EPM2A: variants seen among roughly 807,000 people sequenced by gnomAD.
EPM2A encodes the protein laforin.
Under a neutral mutation model 26.5 loss-of-function variants are expected in EPM2A, and 21 were observed. The observed-to-expected ratio is 0.79, with a 90% CI of 0.56 to 1.14. The LOEUF is 1.14. Ranked by LOEUF, EPM2A falls within the 50% of genes most tolerant of loss-of-function variation. The pLI, the probability that EPM2A is intolerant of heterozygous loss-of-function variation, is 0.00. For missense variants in EPM2A, 458 were observed against 440.8 expected, an observed-to-expected ratio of 1.04 and a Z score of -0.35; for synonymous variants, 217 against 177.6, an observed-to-expected ratio of 1.22 and a Z score of -1.76.
intron 4 of EPM2A, among the ~76,000 whole-genome samples, chr6:145,479,954 A>C (rs1204774118): frequency 3.3e-5 from 5 of 152,042 alleles, no homozygotes; most frequent in Non-Finnish European, 5.9e-5. Flanking sequence ...TAGCCATGCC[A>C]GTAGTTGCAA....
chr6:145,511,167 A>G (rs1301740338), intron 2 of EPM2A, among the ~76,000 whole-genome samples: 1 of 148,360 alleles, frequency 6.7e-6, no homozygotes, highest in Non-Finnish European at 1.5e-5. Flanking sequence ...ATGGTTTCAC[A>G]GCTAAATTCC....
chr6:145,676,934 C>T (rs1780090569), intron 2 of EPM2A, among the ~76,000 whole-genome samples: 2 of 152,178 alleles, frequency 1.3e-5, no homozygotes, highest in Admixed American at 1.3e-4. Flanking sequence ...TTTTATGAGG[C>T]TAGCATCATC....
chr6:145,495,264 T>A (rs1582798510), intron 4 of EPM2A, among the ~76,000 whole-genome samples: 1 of 152,196 alleles, frequency 6.6e-6, no homozygotes, highest in Admixed American at 6.5e-5. Context: ...TAATCTTTGT[T>A]GATTTAGAGT....
At chr6:145,421,668 A>C (rs1778785105) in intron 4 of EPM2A, among the ~76,000 whole-genome samples, 1 of 151,974 alleles carries the variant, frequency 6.6e-6, no homozygotes. Flanking sequence ...ATAAGTTCAA[A>C]TATGCCAGTT....
upstream of EPM2A, chr6:145,735,521 A>G (rs1776827189): frequency 1.1e-5 from 13 of 1,174,826 alleles, no homozygotes; most frequent in Non-Finnish European, 1.4e-5. Context: ...CGGCGCGAAT[A>G]CCCGGGCCCG....
chr6:145,466,528 C>A (rs1779395916), intron 4 of EPM2A, among the ~76,000 whole-genome samples: 2 of 151,976 alleles, frequency 1.3e-5, no homozygotes, highest in South Asian at 2.1e-4. Flanking sequence ...AATAGGAACA[C>A]TTTTACACTG....
downstream of EPM2A, among the ~76,000 whole-genome samples, chr6:145,497,337 C>T (rs1378384844): frequency 6.6e-6 from 1 of 152,168 alleles, no homozygotes; most frequent in Admixed American, 6.5e-5. Context: ...TCCCTAGTTG[C>T]CTCAGATTTT....
At chr6:145,419,441 T>C (rs955849329) in intron 4 of EPM2A, among the ~76,000 whole-genome samples, 2 of 152,104 alleles carry the variant, frequency 1.3e-5, no homozygotes, top group African/African-American at 4.8e-5. Flanking sequence ...AACCTAAGAA[T>C]AGAAACAGAA....
At chr6:145,532,726 G>A (rs1780375678) in intron 2 of EPM2A, among the ~76,000 whole-genome samples, 1 of 152,058 alleles carries the variant, frequency 6.6e-6, no homozygotes, top group Admixed American at 6.6e-5. Flanking sequence ...CAGGGTCTGT[G>A]GGACAGACCC....
intron 2 of EPM2A, among the ~76,000 whole-genome samples, chr6:145,570,729 T>C (rs1471351162): frequency 6.6e-6 from 1 of 152,208 alleles, no homozygotes; most frequent in East Asian, 1.9e-4. Context: ...ATCTGGGTCA[T>C]TTGTAGTCCT....
intron 1 of EPM2A, among the ~76,000 whole-genome samples, chr6:145,715,380 C>A (rs189892953): frequency 1.2e-4 from 19 of 152,130 alleles, no homozygotes; most frequent in African/African-American, 3.9e-4. Flanking sequence ...AACAAAGGAC[C>A]TGGAGAGAAC....
chr6:145,404,279 T>A (rs1052170262), intron 4 of EPM2A, among the ~76,000 whole-genome samples: 1 of 152,150 alleles, frequency 6.6e-6, no homozygotes, highest in Non-Finnish European at 1.5e-5. Flanking sequence ...TATTTTCATA[T>A]GTTTTTAAAC....
chr6:145,525,715 T>C (rs1780262047), intron 2 of EPM2A, among the ~76,000 whole-genome samples: 1 of 152,078 alleles, frequency 6.6e-6, no homozygotes, highest in African/African-American at 2.4e-5. Flanking sequence ...TAGGATTTTC[T>C]AGGTATGGAA....
rs769454188 is a variant in EPM2A at position 145,514,626 on chromosome 6, T to C, written c.341-12051A>G. Among the ~76,000 whole-genome samples the C allele has an allele frequency of 1.2e-3, 178 of 152,278 alleles. 2 individuals carry two copies. Among genetic ancestry groups the C allele is most frequent in the Non-Finnish European group, 3.1e-4 (21 of 68,016 alleles). Reference sequence around the variant, plus strand: ...TTCCTTCAATAATATAGAGCAGTGTTTCTCAACTGGGGGAAATTTTACCCT... The same window carrying C: ...TTCCTTCAATAATATAGAGCAGTGTCTCTCAACTGGGGGAAATTTTACCCT... On this transcript the variant is annotated intron_variant, in intron 2 of 3. Coordinates refer to the EPM2A transcript ENST00000450221.
chr6:145,576,070 A>C (rs559940405), intron 2 of EPM2A, among the ~76,000 whole-genome samples: 2 of 152,146 alleles, frequency 1.3e-5, no homozygotes, highest in Non-Finnish European at 2.9e-5. Context: ...TCCTGACCTC[A>C]GGTGATCCAC....
At chr6:145,445,109 T>A (rs1779114012) in intron 4 of EPM2A, among the ~76,000 whole-genome samples, 1 of 152,166 alleles carries the variant, frequency 6.6e-6, no homozygotes, top group Non-Finnish European at 1.5e-5. Flanking sequence ...TAAGTCTGCC[T>A]TAGCCTTCAT....
intron 3 of EPM2A, chr6:145,630,043 A>AT (rs1776131847): frequency 1.3e-5 from 2 of 152,358 alleles, no homozygotes; most frequent in African/African-American, 4.8e-5. Context: ...GATGCAATAC[A>AT]TTCCCCTTTT....
Position 145,472,970 on chromosome 6 carries a change from A to G in EPM2A, c.555+29552T>C, listed in dbSNP as rs529540618. Among the ~76,000 whole-genome samples the G allele has an allele frequency of 2.4e-4, 37 of 152,192 alleles. No individual in the cohort carries two copies. The South Asian group carries it at 6.2e-3, about 26-fold the overall frequency. ...ATGGTGAAAACTACAATAAATGCCT[A>G]ACTCTTCAATTCCCAGACACTGAAG... On this transcript the variant is annotated intron_variant, in intron 4 of 4. Transcript: ENST00000638717.
intron 4 of EPM2A, among the ~76,000 whole-genome samples, chr6:145,462,311 G>T (rs1464133504): frequency 2.6e-5 from 4 of 152,102 alleles, no homozygotes; most frequent in African/African-American, 9.7e-5. Context: ...ATGTTGCAGG[G>T]GAGTGGGGTG....
Sources: gnomAD v4.1 joint callset for allele counts (sites outside exome capture counted in the v4.1 genomes callset) on GRCh38, gnomAD v4.1.1 for gene constraint, MANE v1.5 for transcripts, NCBI Gene and HGNC (gene_info 2026-07-23, HGNC 2026-07-21) for gene names.